The following AKNA variants were observed in gnomAD, a reference collection of about 807,000 sequenced individuals.
AKNA encodes microtubule organization protein AKNA.
A neutral mutation model predicts 138.8 loss-of-function variants in AKNA; 67 were observed. The ratio of observed to expected loss-of-function variants is 0.48; its 90% CI spans 0.40 to 0.59. The LOEUF is 0.59. Ranked by LOEUF, AKNA falls within the 20% of genes least tolerant of loss-of-function variation. AKNA has a pLI of 0.00. For missense variants in AKNA, 1,813 were observed against 1,880.4 expected, an observed-to-expected ratio of 0.96 and a Z score of 0.66; for synonymous variants, 737 against 754.4, an observed-to-expected ratio of 0.98 and a Z score of 0.38.
chr9:114,353,783 T>C (rs1831298715), intron 14 of AKNA, among the ~76,000 whole-genome samples: 2 of 152,310 alleles, frequency 1.3e-5, no homozygotes, highest in East Asian at 1.9e-4. Context: ...TAAGTATTTG[T>C]GTATCTAAAC....
At position 114,341,534 on chromosome 9, in the gene AKNA, C is replaced by G; in HGVS notation, c.4066G>C (p.Val1356Leu). 6.2e-7 allele frequency: 1 copy of G among 1,614,014 alleles called. No individual in the cohort carries two copies. The change falls in exon 21 of 22, where the codon GTG becomes CTG. Residue 1356 changes from valine (V) to leucine (L), a missense_variant and splice_region_variant. By Grantham distance (32) the Val-to-Leu change is conservative (BLOSUM62 1). Coordinates refer to ENST00000374088, the MANE Select transcript of AKNA (RefSeq NM_001317950.2). ...VPIMPYPPAAVYYAPAGPTSA... is the reference protein window; with the variant it reads ...VPIMPYPPAALYYAPAGPTSA... ...GAAGGTCAGAATGAAGGCTCTTACA[C>G]AGCGGCAGGTGGATAAGGCATGATG...
At chr9:114,393,372 C>T (rs922512478) in intron 1 of AKNA, among the ~76,000 whole-genome samples, 42 of 149,746 alleles carry the variant, frequency 2.8e-4, no homozygotes, top group African/African-American at 9.7e-4. Flanking sequence ...CCTGCCACCA[C>T]GCCCAGCTAA....
At chr9:114,351,803 C>T (rs1456422131) in intron 14 of AKNA, among the ~76,000 whole-genome samples, 1 of 151,890 alleles carries the variant, frequency 6.6e-6, no homozygotes, top group Admixed American at 6.6e-5. Flanking sequence ...TGCACTGCAG[C>T]CTGGGTGACA....
In AKNA at chr9:114,370,252, T is replaced by A. The variant is rs187553540; in HGVS notation, c.1417-1657A>T. 1.5e-3 allele frequency among the ~76,000 whole-genome samples: 224 copies of A among 152,324 alleles called. 1 individual carries two copies. The highest frequency in any genetic ancestry group is 5.3e-3 in the African/African-American group (220 of 41,564). ...AGATGAGAACAAAGCTGGATTTTAATAATCCCCTCAGCCATCTGCTCAGAC... is the reference window on the plus strand; with the variant it reads ...AGATGAGAACAAAGCTGGATTTTAAAAATCCCCTCAGCCATCTGCTCAGAC... On this transcript the variant is annotated intron_variant, in intron 4 of 21. Coordinates refer to ENST00000374088, the MANE Select transcript of AKNA (RefSeq NM_001317950.2).
intron 18 of AKNA, chr9:114,345,432 CAA>C (rs1016423830): frequency 6.4e-6 from 1 of 157,304 alleles, no homozygotes; most frequent in African/African-American, 2.4e-5. Context: ...TGTGTCATCT[CAA>C]GTCTTTACTC....
Position 114,347,899 on chromosome 9 carries a change from G to A in AKNA, c.3223C>T (p.Gln1075Ter). The A allele has an allele frequency of 6.4e-7, 1 of 1,551,426 alleles. No homozygotes were observed. The change falls in exon 16 of 22, where the codon CAG becomes TAG. Residue 1075 changes from glutamine to a stop codon, truncating the protein, a stop_gained and splice_region_variant. Coordinates refer to ENST00000374088, the MANE Select transcript of AKNA (RefSeq NM_001317950.2). LOFTEE classifies it high-confidence loss of function. Reference protein sequence around the residue: ...SFLLTRAGRDQAICELQEEVS... With the variant: ...SFLLTRAGRD ...TCTTCTTGCAGCTCACAGATGGCCT[G>A]GCTGGGGTTGGAGTGGAGACAGAAA...
chr9:114,367,478 G>A, intron 6 of AKNA, 65 bp downstream of exon 6: 1 of 1,576,760 alleles, frequency 6.3e-7, no homozygotes, highest in South Asian at 1.1e-5. Context: ...CACCCAAGCA[G>A]GCAGAGGTTC....
intron 21 of AKNA, among the ~76,000 whole-genome samples, chr9:114,338,129 C>T (rs1830118545): frequency 1.3e-5 from 2 of 152,146 alleles, no homozygotes; most frequent in Admixed American, 6.5e-5. Context: ...TTTAGGAGGA[C>T]GCAGCAGAGT....
At chr9:114,330,836 G>C, downstream of AKNA, 1 of 1,613,980 alleles carries the variant, frequency 6.2e-7, no homozygotes, top group Non-Finnish European at 8.5e-7. Context: ...AATGTCCAGC[G>C]GGAGAATGGG....
chr9:114,337,156 C>T lies in AKNA; in HGVS notation c.4218G>A (p.Val1406=), dbSNP rs1178973462. 4.3e-6 allele frequency: 7 copies of T among 1,610,830 alleles called. No individual in the cohort carries two copies. In the Admixed American group the frequency reaches 1.0e-4, roughly 23 times the overall value. ...TAGAGCGGACGCTCTCGGCAGCCTG[C>T]ACGGCCCGGCTCAGGGCCTTGTTGA... ...EELNKALSRA[V]QAAESVRSTT... The change falls in exon 22 of 22, where the codon GTG becomes GTA. Residue 1406 remains valine, a synonymous_variant. Transcript: ENST00000374088.
At chr9:114,367,188 T>C (rs1363824305) in intron 6 of AKNA, among the ~76,000 whole-genome samples, 1 of 152,164 alleles carries the variant, frequency 6.6e-6, no homozygotes, top group African/African-American at 2.4e-5. Context: ...CAACTTATCC[T>C]GAAGAGGAAA....
chr9:114,394,815 G>A (rs1223344285), upstream of AKNA, among the ~76,000 whole-genome samples: 2 of 152,208 alleles, frequency 1.3e-5, no homozygotes, highest in African/African-American at 4.8e-5. Context: ...GACTGAGTGT[G>A]CCTCTTAGAC....
intron 14 of AKNA, 95 bp downstream of exon 14, chr9:114,355,830 C>T (rs1831459073): frequency 1.1e-5 from 14 of 1,278,406 alleles, no homozygotes; most frequent in Non-Finnish European, 1.5e-5. Flanking sequence ...TACAATGAAC[C>T]TGGCTAATAT....
upstream of AKNA, chr9:114,388,226 T>C: frequency 4.8e-6 from 1 of 207,572 alleles, no homozygotes; most frequent in South Asian, 5.9e-5. Flanking sequence ...GTCCTGGGCT[T>C]GGGATCATCT....
chr9:114,387,435 C>T (rs1026745608), intron 1 of AKNA, among the ~76,000 whole-genome samples: 3 of 152,196 alleles, frequency 2.0e-5, no homozygotes, highest in Non-Finnish European at 2.9e-5. Context: ...CTTGCTCTTA[C>T]GCAGCTGGCA....
At chr9:114,391,865 A>C (rs1204001936), upstream of AKNA, among the ~76,000 whole-genome samples, 1 of 149,586 alleles carries the variant, frequency 6.7e-6, no homozygotes, top group Non-Finnish European at 1.5e-5. Flanking sequence ...AAAAAAAAAA[A>C]AAAAAAAAAC....
intron 1 of AKNA, among the ~76,000 whole-genome samples, chr9:114,385,450 C>T (rs1833960487): frequency 6.6e-6 from 1 of 152,232 alleles, no homozygotes; most frequent in African/African-American, 2.4e-5. Context: ...TTAGCTGTTG[C>T]TTTTCTGATT....
chr9:114,379,966 C>T (rs1343571266), intron 2 of AKNA, among the ~76,000 whole-genome samples: 3 of 152,184 alleles, frequency 2.0e-5, no homozygotes, highest in African/African-American at 7.2e-5. Context: ...GCCTGGGCAA[C>T]ACTGTGAGAC....
chr9:114,350,605 A>G (rs150010608), intron 15 of AKNA, among the ~76,000 whole-genome samples: 10 of 152,338 alleles, frequency 6.6e-5, no homozygotes, highest in African/African-American at 1.9e-4. Context: ...GAGAGAGGGC[A>G]TAAGTGTCAG....
Sources: allele counts gnomAD v4.1 joint callset (sites outside exome capture counted in the v4.1 genomes callset), GRCh38; gene constraint gnomAD v4.1.1; transcripts MANE v1.5; gene names NCBI Gene and HGNC (gene_info 2026-07-23, HGNC 2026-07-21).